Variants in GRM1 observed in about 807,000 individuals in gnomAD.
GRM1 encodes the protein glutamate metabotropic receptor 1.
In GRM1, 33 loss-of-function variants were observed where a neutral mutation model predicts 90.9. The observed-to-expected ratio is 0.36, with a 90% confidence interval of 0.28 to 0.49. GRM1 has a LOEUF of 0.49. Among genes scored for constraint, GRM1 ranks in the 20% least tolerant of loss-of-function variants. GRM1 has a pLI of 0.99. For synonymous variants in GRM1, 700 were observed against 613.2 expected (o/e 1.14, Z -2.09); for missense variants, 1,190 against 1,534.3 (o/e 0.78, Z 3.75).
chr6:146,360,660 C>T (rs1775433648), intron 5 of GRM1, among the ~76,000 whole-genome samples: 1 of 152,116 alleles, frequency 6.6e-6, no homozygotes, highest in African/African-American at 2.4e-5. Context: ...CTTCTGCCTC[C>T]CATTAGTTGC....
At chr6:146,406,518 A>T (rs1777353233) in intron 7 of GRM1, among the ~76,000 whole-genome samples, 2 of 152,142 alleles carry the variant, frequency 1.3e-5, no homozygotes, top group Admixed American at 6.5e-5. Flanking sequence ...GCCTGTAAGT[A>T]GGTGCCCTTT....
At chr6:146,087,310 C>A (rs993688428) in intron 1 of GRM1, among the ~76,000 whole-genome samples, 2 of 152,072 alleles carry the variant, frequency 1.3e-5, no homozygotes, top group Non-Finnish European at 2.9e-5. Context: ...TCCTATCTGC[C>A]TGCACCTAGT....
At chr6:146,424,169 AC>A (rs1389873649) in intron 7 of GRM1, among the ~76,000 whole-genome samples, 1 of 152,200 alleles carries the variant, frequency 6.6e-6, no homozygotes, top group Non-Finnish European at 1.5e-5. Flanking sequence ...GTGCAGAGAC[AC>A]CTAAGGTATC....
intron 1 of GRM1, among the ~76,000 whole-genome samples, chr6:146,137,968 G>A (rs369927698): frequency 2.2e-4 from 33 of 152,076 alleles, no homozygotes; most frequent in African/African-American, 5.1e-4. Context: ...TACTGTTGGC[G>A]TATATAAATG....
intron 3 of GRM1, among the ~76,000 whole-genome samples, chr6:146,305,213 T>G (rs994248319): frequency 2.0e-5 from 3 of 152,028 alleles, no homozygotes; most frequent in Admixed American, 6.6e-5. Context: ...TCTTTTTTCT[T>G]TGTGGCTTGT....
intron 2 of GRM1, among the ~76,000 whole-genome samples, chr6:146,178,173 G>A (rs938427490): frequency 2.0e-5 from 3 of 152,210 alleles, no homozygotes; most frequent in Middle Eastern, 3.4e-3. Flanking sequence ...CTCCTTTTGG[G>A]TATGACAGTT....
At chr6:146,132,354 A>G (rs1202322568) in intron 1 of GRM1, among the ~76,000 whole-genome samples, 1 of 152,218 alleles carries the variant, frequency 6.6e-6, no homozygotes, top group Non-Finnish European at 1.5e-5. Flanking sequence ...ACATTAAGGT[A>G]AGATAATACA....
chr6:146,409,650 G>C (rs1199584061), intron 7 of GRM1, among the ~76,000 whole-genome samples: 1 of 151,982 alleles, frequency 6.6e-6, no homozygotes, highest in Non-Finnish European at 1.5e-5. Context: ...TACATTTTAA[G>C]TTACAGGACA....
chr6:146,223,774 T>G (rs1780148796), intron 2 of GRM1, among the ~76,000 whole-genome samples: 1 of 152,166 alleles, frequency 6.6e-6, no homozygotes, highest in Non-Finnish European at 1.5e-5. Context: ...ATTCTGGGTT[T>G]ACATTTGCAG....
chr6:146,401,286 G>A (rs1777149773), intron 7 of GRM1, among the ~76,000 whole-genome samples: 3 of 152,178 alleles, frequency 2.0e-5, no homozygotes, highest in Middle Eastern at 6.8e-3. Context: ...GTTTGTTATA[G>A]GATGTTGATC....
chr6:146,339,104 A>G (rs1784879727), intron 3 of GRM1, among the ~76,000 whole-genome samples: 1 of 152,256 alleles, frequency 6.6e-6, no homozygotes, highest in Non-Finnish European at 1.5e-5. Flanking sequence ...CCAAATGGAA[A>G]TGCAATCACT....
intron 2 of GRM1, among the ~76,000 whole-genome samples, chr6:146,192,722 AT>A (rs1310529845): frequency 3.3e-5 from 5 of 152,170 alleles, no homozygotes; most frequent in Admixed American, 6.6e-5. Flanking sequence ...ACTGATCTTT[AT>A]TTTTAAATGT....
At chr6:146,122,839 C>CTTTTTTTTTTTTTTTTTTTTTTTT (rs57859188) in intron 1 of GRM1, among the ~76,000 whole-genome samples, 103 of 62,218 alleles carry the variant, frequency 1.7e-3, no homozygotes, top group Non-Finnish European at 2.0e-3. Context: ...TCTTTTCTTT[C>CTTTTTTTTTTTTTTTTTTTTTTTT]TTTTTTTTTT....
chr6:146,300,700 A>G (rs1040333519), intron 2 of GRM1, among the ~76,000 whole-genome samples: 1 of 152,236 alleles, frequency 6.6e-6, no homozygotes, highest in Non-Finnish European at 1.5e-5. Context: ...CTTCACAGAG[A>G]GTCCAGTGCT....
At chr6:146,063,396 G>A (rs890951921) in intron 1 of GRM1, among the ~76,000 whole-genome samples, 1 of 152,086 alleles carries the variant, frequency 6.6e-6, no homozygotes, top group East Asian at 1.9e-4. Flanking sequence ...TTATTGAATT[G>A]AATATTCAAT....
chr6:146,142,552 CTT>C (rs2128884487), intron 1 of GRM1, among the ~76,000 whole-genome samples: 1 of 152,148 alleles, frequency 6.6e-6, no homozygotes, highest in South Asian at 2.1e-4. Flanking sequence ...AGTCAGAAAA[CTT>C]AGGGATTTAC....
intron 2 of GRM1, among the ~76,000 whole-genome samples, chr6:146,187,105 T>C (rs1778762304): frequency 6.6e-6 from 1 of 152,200 alleles, no homozygotes; most frequent in Non-Finnish European, 1.5e-5. Flanking sequence ...AAGACTACCC[T>C]GCTTCTTTTA....
intron 2 of GRM1, among the ~76,000 whole-genome samples, chr6:146,299,246 C>T (rs1783288173): frequency 6.6e-6 from 1 of 152,300 alleles, no homozygotes; most frequent in African/African-American, 2.4e-5. Context: ...ACCTACATCA[C>T]CGTGTGATAA....
At position 146,434,855 on chromosome 6, in the gene GRM1, A is replaced by T; in HGVS notation, c.*59A>T. The T allele has an allele frequency of 2.1e-6, 3 of 1,405,630 alleles. No individual in the cohort carries two copies. The highest frequency in any genetic ancestry group is 3.0e-6 in the Non-Finnish European group (3 of 1,004,754). The allele number at this position is 1,405,630 out of a possible 1,614,324, so 87.1% of individuals were successfully genotyped here. ...CCAGAGATCTCCCACACCTCCAGAG[A>T]TGTGCAAACAGCTGGGAGGAAAAGC... On this transcript the variant is annotated 3_prime_UTR_variant, in exon 8 of 8. Coordinates refer to ENST00000282753, the MANE Select transcript of GRM1 (RefSeq NM_001278064.2).
Sources: allele counts gnomAD v4.1 joint callset (sites outside exome capture counted in the v4.1 genomes callset), GRCh38; gene constraint gnomAD v4.1.1; transcripts MANE v1.5; gene names NCBI Gene and HGNC (gene_info 2026-07-23, HGNC 2026-07-21).